Variants in ABCB1 observed in about 807,000 individuals in gnomAD.
The protein encoded by ABCB1 is ATP-dependent translocase ABCB1.
ABCB1 carries 69 observed loss-of-function variants against 142.0 expected under a neutral mutation model. The observed-to-expected ratio is 0.49, with a 90% CI of 0.40 to 0.59. The LOEUF is 0.59. ABCB1 is among the 20% of genes least tolerant of loss of function. The pLI is 0.00. For synonymous variants in ABCB1, 532 were observed against 539.2 expected (o/e 0.99, Z 0.18); for missense variants, 1,326 against 1,554.7 (o/e 0.85, Z 2.47).
At chr7:87,531,652 T>C in intron 20 of ABCB1, 155 bp from the exon 21 acceptor site, 1 of 681,940 alleles carries the variant, frequency 1.5e-6, no homozygotes. Context: ...ATTGAGTTTC[T>C]ACAGTAAGAA....
intron 1 of ABCB1, among the ~76,000 whole-genome samples, chr7:87,702,942 A>G (rs770948078): frequency 1.3e-5 from 2 of 152,088 alleles, no homozygotes; most frequent in Non-Finnish European, 2.9e-5. Context: ...AACTCAACTA[A>G]CTCACTCAAC....
chr7:87,560,418 T>C (rs913243632), intron 8 of ABCB1, among the ~76,000 whole-genome samples: 1 of 152,126 alleles, frequency 6.6e-6, no homozygotes, highest in Non-Finnish European at 1.5e-5. Flanking sequence ...ATACCTGAGA[T>C]CAAGAAACAG....
chr7:87,667,218 A>G (rs940745358), intron 1 of ABCB1, among the ~76,000 whole-genome samples: 1 of 152,000 alleles, frequency 6.6e-6, no homozygotes, highest in Non-Finnish European at 1.5e-5. Context: ...GGGTAGCTGT[A>G]TTGCTATGAA....
intron 2 of ABCB1, among the ~76,000 whole-genome samples, chr7:87,598,803 G>A (rs1819319869): frequency 6.6e-6 from 1 of 152,216 alleles, no homozygotes; most frequent in Non-Finnish European, 1.5e-5. Context: ...GACAGCTTCA[G>A]TGTGCTTTCG....
chr7:87,543,282 C>A (rs6980101), intron 17 of ABCB1, among the ~76,000 whole-genome samples: 5 of 151,564 alleles, frequency 3.3e-5, no homozygotes, highest in Non-Finnish European at 7.4e-5. Context: ...CGAGAGTGAG[C>A]GAGACTCAAA....
At chr7:87,546,326 C>G (rs903460967) in intron 14 of ABCB1, among the ~76,000 whole-genome samples, 1 of 152,088 alleles carries the variant, frequency 6.6e-6, no homozygotes, top group Non-Finnish European at 1.5e-5. Context: ...TGGTGGCTCA[C>G]GCCTGTAATC....
At chr7:87,525,059 T>C (rs1054570491) in intron 21 of ABCB1, among the ~76,000 whole-genome samples, 1 of 152,132 alleles carries the variant, frequency 6.6e-6, no homozygotes, top group Non-Finnish European at 1.5e-5. Context: ...AACAGTATAA[T>C]AACTTCAGGA....
intron 1 of ABCB1, among the ~76,000 whole-genome samples, chr7:87,712,173 A>G (rs897329779): frequency 2.0e-5 from 3 of 152,272 alleles, no homozygotes; most frequent in African/African-American, 7.2e-5. Context: ...CAGGATAGAA[A>G]GACTTTTGGC....
intron 1 of ABCB1, among the ~76,000 whole-genome samples, chr7:87,651,259 C>T (rs1430019890): frequency 6.6e-6 from 1 of 152,110 alleles, no homozygotes; most frequent in African/African-American, 2.4e-5. Flanking sequence ...TACAGAGAAG[C>T]ATTCCAGGCA....
chr7:87,530,769 G>T (rs1815999890), intron 21 of ABCB1, among the ~76,000 whole-genome samples: 1 of 144,152 alleles, frequency 6.9e-6, no homozygotes, highest in South Asian at 2.2e-4. Context: ...TAAAGGAATG[G>T]ATTTAAGCTT....
intron 5 of ABCB1, 79 bp from the exon 6 acceptor site, chr7:87,567,055 AT>A (rs1011481536): frequency 1.2e-5 from 17 of 1,367,768 alleles, no homozygotes; most frequent in Non-Finnish European, 1.6e-5. Flanking sequence ...ACTCATTCCT[AT>A]TTTTTCACTT....
chr7:87,589,805 G>GGAGA (rs370840500), intron 3 of ABCB1, among the ~76,000 whole-genome samples: 5,621 of 105,272 alleles, frequency 0.053, 339 homozygotes, highest in African/African-American at 0.17. Context: ...GAGAGAGAGA[G>GGAGA]GAGAGAGAGA....
intron 27 of ABCB1, among the ~76,000 whole-genome samples, chr7:87,505,541 AT>A (rs1303234793): frequency 2.6e-5 from 4 of 152,158 alleles, no homozygotes; most frequent in Non-Finnish European, 5.9e-5. Context: ...GATTGCTAAT[AT>A]TTATCTTAAA....
rs1817696222 is a variant in ABCB1 at position 87,564,248 on chromosome 7, T to C, written c.702+1822A>G. On this transcript the variant is annotated intron_variant, in intron 7 of 27. Transcript: ENST00000622132. Reference sequence around the variant, plus strand: ...CCATTGAAGTTTAGCATGATAGTATTGGTCTACTTTTGTGAGCTGTGGTTC... The same window carrying C: ...CCATTGAAGTTTAGCATGATAGTATCGGTCTACTTTTGTGAGCTGTGGTTC... The C allele has an allele frequency of 1.9e-5, 7 of 369,418 alleles. 1 individual carries two copies. Among genetic ancestry groups the C allele is most frequent in the South Asian group, 6.7e-5 (3 of 44,808 alleles). 22.9% of individuals were successfully genotyped at this position (369,418 alleles called of 1,614,324 possible).
At chr7:87,711,401 T>C (rs952913328) in intron 1 of ABCB1, among the ~76,000 whole-genome samples, 5 of 151,940 alleles carry the variant, frequency 3.3e-5, no homozygotes, top group African/African-American at 7.2e-5. Flanking sequence ...CTTATCTTTT[T>C]AGAACAATCT....
chr7:87,584,951 A>ACCC (rs141380026), intron 4 of ABCB1, among the ~76,000 whole-genome samples: 17 of 148,930 alleles, frequency 1.1e-4, no homozygotes, highest in South Asian at 1.1e-3. Context: ...ATCCTAAAAT[A>ACCC]CCCCCCCACA....
At chr7:87,587,287 CA>C (rs2129935017) in intron 3 of ABCB1, among the ~76,000 whole-genome samples, 1 of 152,266 alleles carries the variant, frequency 6.6e-6, no homozygotes, top group African/African-American at 2.4e-5. Context: ...ACCACCAACA[CA>C]GGACATTTTA....
chr7:87,556,919 T>C (rs1817335635), intron 8 of ABCB1, among the ~76,000 whole-genome samples: 1 of 151,882 alleles, frequency 6.6e-6, no homozygotes, highest in Non-Finnish European at 1.5e-5. Context: ...TGACGTTTCC[T>C]AGAACATACT....
At chr7:87,667,241 T>A (rs1301530509) in intron 1 of ABCB1, among the ~76,000 whole-genome samples, 7 of 152,152 alleles carry the variant, frequency 4.6e-5, no homozygotes, top group Admixed American at 3.9e-4. Flanking sequence ...TTATTCTTTT[T>A]CTGGCAGTTG....
Sources: gnomAD v4.1 joint callset for allele counts (sites outside exome capture counted in the v4.1 genomes callset) on GRCh38, gnomAD v4.1.1 for gene constraint, MANE v1.5 for transcripts, NCBI Gene and HGNC (gene_info 2026-07-23, HGNC 2026-07-21) for gene names.